GPR171: variants seen among roughly 807,000 people sequenced by gnomAD.
GPR171 encodes the protein G protein-coupled receptor 171.
Under a neutral mutation model 16.7 loss-of-function variants are expected in GPR171, and 14 were observed. That is an observed-to-expected ratio of 0.84 (90% CI 0.55 to 1.31). The LOEUF is 1.31. GPR171 is among the 40% of genes most tolerant of loss of function. GPR171 has a pLI of 0.00. For synonymous variants in GPR171, 134 were observed against 135.6 expected, an observed-to-expected ratio of 0.99 and a Z score of 0.08; for missense variants, 337 against 378.9, an observed-to-expected ratio of 0.89 and a Z score of 0.92.
chr3:151,198,664 A>G lies in GPR171; in HGVS notation c.723T>C (p.Ile241=), dbSNP rs368697502. 1.2e-6 allele frequency: 2 copies of G among 1,614,160 alleles called. No homozygotes were observed. The highest frequency in any genetic ancestry group is 1.7e-6 in the Non-Finnish European group (2 of 1,180,002). Residue 241 remains isoleucine (I), a synonymous_variant, in exon 3 of 3, where the codon ATT becomes ATC. Coordinates refer to ENST00000309180, the MANE Select transcript of GPR171 (RefSeq NM_013308.4). ...GYIICFVPYH[I]VRIPYTLSQT... ...GGCTGAGGGTATACGGGATTCGGAC[A>G]ATGTGGTAAGGAACAAAGCATATGA...
At chr3:151,199,884 C>T (rs1166757217) in intron 2 of GPR171, among the ~76,000 whole-genome samples, 1 of 151,876 alleles carries the variant, frequency 6.6e-6, no homozygotes, top group Non-Finnish European at 1.5e-5. Flanking sequence ...GCTCCTAAGG[C>T]TGGGAGAACC....
Position 151,198,504 on chromosome 3 carries a change from T to G in GPR171, c.883A>C (p.Lys295Gln). The G allele has an allele frequency of 6.2e-7, 1 of 1,613,758 alleles. No individual in the cohort carries two copies. Among genetic ancestry groups the G allele is most frequent in the Non-Finnish European group, 8.5e-7 (1 of 1,179,682 alleles). The change falls in exon 3 of 3, where the codon AAG becomes CAG. Residue 295 changes from lysine to glutamine, a missense_variant. Lys to Gln is a moderately conservative substitution (Grantham distance 53). Coordinates refer to ENST00000309180, the MANE Select transcript of GPR171 (RefSeq NM_013308.4). ...GGTGAGGCAAAAGTCTCAGTGACCT[T>G]TGAGCGGAATGCTTTTGAGAGGTGA... is the stretch of plus-strand genomic sequence containing the variant. ...YYHLSKAFRS[K>Q]VTETFASPKE...
downstream of GPR171, chr3:151,197,759 T>C (rs1207549131): frequency 6.6e-6 from 1 of 152,656 alleles, no homozygotes; most frequent in Non-Finnish European, 1.5e-5. Context: ...AAATGTATTA[T>C]TACTAACATC....
rs369956369 is a variant in GPR171, at chr3:151,199,207, A to G, written c.180T>C (p.Asp60=). 2 of 1,614,046 alleles carry G rather than the reference A, an allele frequency of 1.2e-6. No homozygotes were observed. The highest frequency in any genetic ancestry group is 1.3e-5 in the African/African-American group (1 of 74,938). Residue 60 remains aspartate (D), a synonymous_variant, in exon 3 of 3, where the codon GAT becomes GAC. Transcript: ENST00000309180. ...SIYLINLLTA[D]FLLTLALPVK... ...CTGGTAATGCCAGAGTAAGCAGGAA[A>G]TCGGCTGTAAGCAAATTAATTAAGT...
In GPR171 at chr3:151,198,342, GT is replaced by G. The variant is rs11431846; in HGVS notation, c.*84del. ...ATTTTTTCATACTGAGTTTTTTTTT[GT>G]TTTTTTTTTTTTTATCTTTCAAAGC... On this transcript the variant is annotated 3_prime_UTR_variant, in exon 3 of 3. Coordinates refer to ENST00000309180, the MANE Select transcript of GPR171 (RefSeq NM_013308.4). 33,274 of 672,530 alleles carry G rather than the reference GT, an allele frequency of 0.049. 10 individuals are homozygous for G. The highest frequency in any genetic ancestry group is 0.054 in the Non-Finnish European group (25,005 of 460,136). The allele number at this position is 672,530 out of a possible 1,614,324, so 41.7% of individuals were successfully genotyped here. A position where few individuals can be genotyped will look rare whatever the true frequency, so the allele number is the denominator to read the frequency against.
rs756671695 is a variant in GPR171, at chr3:151,198,777, G to T, written c.610C>A (p.Arg204=). 6.2e-7 allele frequency: 1 copy of T among 1,613,512 alleles called. No homozygotes were observed. Among genetic ancestry groups the T allele is most frequent in the Admixed American group, 1.7e-5 (1 of 60,016 alleles). ...IILISNCLVI[R]QLYRNKDNEN... ...TTATCTTTGTTTCTGTAGAGCTGTC[G>T]AATTACAAGGCAATTGGATATTAAA... is the stretch of plus-strand genomic sequence containing the variant. Residue 204 remains arginine, a synonymous_variant, in exon 3 of 3, where the codon CGA becomes AGA. Coordinates refer to ENST00000309180, the MANE Select transcript of GPR171 (RefSeq NM_013308.4).
At chr3:151,202,930 T>C (rs1477746328) in intron 1 of GPR171, among the ~76,000 whole-genome samples, 174 bp downstream of exon 1, 1 of 152,222 alleles carries the variant, frequency 6.6e-6, no homozygotes, top group African/African-American at 2.4e-5. Context: ...GTTCATCAGA[T>C]ATAAGAAAAT....
chr3:151,202,356 T>C (rs1725724650), intron 1 of GPR171, among the ~76,000 whole-genome samples: 1 of 152,204 alleles, frequency 6.6e-6, no homozygotes, highest in Non-Finnish European at 1.5e-5. Context: ...GTAGTTTGGA[T>C]AGAGTGCCCA....
chr3:151,202,640 A>G (rs935272605), intron 1 of GPR171, among the ~76,000 whole-genome samples: 2 of 152,246 alleles, frequency 1.3e-5, no homozygotes, highest in African/African-American at 4.8e-5. Context: ...ACTGCACTCC[A>G]GCCTGGGTGA....
In GPR171 at chr3:151,198,147, C is replaced by G. The variant is rs1259421411; in HGVS notation, c.*280G>C. ...ACCTTTGGGTCTATGTCATGGACCT[C>G]TTTTGGATTTCAAGGATATTGCAGG... On this transcript the variant is annotated 3_prime_UTR_variant, in exon 3 of 3. Transcript: ENST00000309180. 1 of 254,640 alleles carries G rather than the reference C, an allele frequency of 3.9e-6. No homozygotes were observed. Among genetic ancestry groups the G allele is most frequent in the East Asian group, 7.4e-5 (1 of 13,578 alleles). 15.8% of individuals were successfully genotyped at this position (254,640 alleles called of 1,614,324 possible). A position where few individuals can be genotyped will look rare whatever the true frequency, so the allele number is the denominator to read the frequency against.
At position 151,198,901 on chromosome 3, in the gene GPR171, A is replaced by G; in HGVS notation, c.486T>C (p.Asn162=). ...IPIKDIKEKS[N]VGCMEFKKEF... ...CCTTTTTAAACTCCATACAACCCACATTTGACTTTTCCTTGATGTCTTTGA... is the reference window on the plus strand; with the variant it reads ...CCTTTTTAAACTCCATACAACCCACGTTTGACTTTTCCTTGATGTCTTTGA... Residue 162 remains asparagine, a synonymous_variant, in exon 3 of 3, where the codon AAT becomes AAC. Transcript: ENST00000309180. 1 of 1,614,052 alleles carries G rather than the reference A, an allele frequency of 6.2e-7. No homozygotes were observed. Among genetic ancestry groups the G allele is most frequent in the Non-Finnish European group, 8.5e-7 (1 of 1,179,994 alleles).
rs1724955607 is a variant in GPR171, at chr3:151,198,305, C to T, written c.*122G>A. On this transcript the variant is annotated 3_prime_UTR_variant, in exon 3 of 3. Transcript: ENST00000309180. Reference sequence around the variant, plus strand: ...TTCTAAGTAAACCTGTCCATATTTGCTAGCTAACTGTATTTTTTCATACTG... The same window carrying T: ...TTCTAAGTAAACCTGTCCATATTTGTTAGCTAACTGTATTTTTTCATACTG... 4 of 708,290 alleles carry T rather than the reference C, an allele frequency of 5.6e-6. No homozygotes were observed. Among genetic ancestry groups the T allele is most frequent in the African/African-American group, 3.6e-5 (2 of 55,290 alleles). The allele number at this position is 708,290 out of a possible 1,614,324, so 43.9% of individuals were successfully genotyped here. A position where few individuals can be genotyped will look rare whatever the true frequency, so the allele number is the denominator to read the frequency against.
chr3:151,201,210 A>G (rs1192633010), intron 1 of GPR171, among the ~76,000 whole-genome samples: 1 of 150,302 alleles, frequency 6.7e-6, no homozygotes, highest in Non-Finnish European at 1.5e-5. Context: ...TATGCATACA[A>G]CCACGTGCAC....
chr3:151,198,974 A>G lies in GPR171; in HGVS notation c.413T>C (p.Val138Ala). 1 of 1,614,062 alleles carries G rather than the reference A, an allele frequency of 6.2e-7. No individual in the cohort carries two copies. Among genetic ancestry groups the G allele is most frequent in the Non-Finnish European group, 8.5e-7 (1 of 1,179,994 alleles). Residue 138 changes from valine (V) to alanine (A), a missense_variant, in exon 3 of 3, where the codon GTG (valine) becomes GCG (alanine). Coordinates refer to ENST00000309180, the MANE Select transcript of GPR171 (RefSeq NM_013308.4). ...CATTATAAGAAGGACCATTAGCCAC[A>G]CAACGGTTGATATCATTTTGGCAAA... is the stretch of plus-strand genomic sequence containing the variant. ...PGFAKMISTV[V>A]WLMVLLIMVP...
chr3:151,200,427 A>G (rs545530269), intron 2 of GPR171, among the ~76,000 whole-genome samples: 8 of 152,336 alleles, frequency 5.3e-5, no homozygotes, highest in Admixed American at 5.2e-4. Context: ...TATTTTAGCA[A>G]GGAAACATTT....
At chr3:151,202,503 T>C (rs1236079076) in intron 1 of GPR171, among the ~76,000 whole-genome samples, 1 of 152,140 alleles carries the variant, frequency 6.6e-6, no homozygotes, top group African/African-American at 2.4e-5. Context: ...AAATCCTGTC[T>C]CTACTAAAAA....
At chr3:151,200,850 G>A (rs1576951990) in intron 2 of GPR171, 59 bp downstream of exon 2, 2 of 152,152 alleles carry the variant, frequency 1.3e-5, no homozygotes, top group South Asian at 4.1e-4. Flanking sequence ...CATAAGCTAG[G>A]TGTTGTTATT....
chr3:151,201,349 C>A (rs1725563236), intron 1 of GPR171, among the ~76,000 whole-genome samples: 2 of 152,174 alleles, frequency 1.3e-5, no homozygotes, highest in South Asian at 4.1e-4. Context: ...TCTCTACTTA[C>A]ATCCCAGATT....
At chr3:151,202,928 G>C (rs1427207323) in intron 1 of GPR171, among the ~76,000 whole-genome samples, 176 bp downstream of exon 1, 1 of 152,160 alleles carries the variant, frequency 6.6e-6, no homozygotes, top group African/African-American at 2.4e-5. Context: ...GGGTTCATCA[G>C]ATATAAGAAA....
Sources: allele counts gnomAD v4.1 joint callset (sites outside exome capture counted in the v4.1 genomes callset), GRCh38; gene constraint gnomAD v4.1.1; transcripts MANE v1.5; gene names NCBI Gene and HGNC (gene_info 2026-07-23, HGNC 2026-07-21).